The following ZNF385D variants were observed in gnomAD, a reference collection of about 807,000 sequenced individuals.
ZNF385D encodes the protein zinc finger protein 385D.
Under a neutral mutation model 35.8 loss-of-function variants are expected in ZNF385D, and 15 were observed. The observed-to-expected ratio is 0.42, with a 90% CI of 0.28 to 0.64. ZNF385D has a LOEUF of 0.64. Among genes scored for constraint, ZNF385D ranks in the 30% least tolerant of loss-of-function variants. The pLI is 0.23. For synonymous variants in ZNF385D, 212 were observed against 186.8 expected (o/e 1.13, Z -1.10); for missense variants, 474 against 494.6 (o/e 0.96, Z 0.39).
At chr3:21,923,646 T>C (rs920305692) in intron 3 of ZNF385D, among the ~76,000 whole-genome samples, 1 of 152,216 alleles carries the variant, frequency 6.6e-6, no homozygotes, top group Non-Finnish European at 1.5e-5. Context: ...AAATATGTGA[T>C]ACATACACAA....
Position 21,415,703 on chromosome 3 carries a change from T to C in ZNF385D, c.*5511A>G, listed in dbSNP as rs543651820. The C allele has an allele frequency of 1.3e-5, 2 of 152,254 alleles. No homozygotes were observed. Among genetic ancestry groups the C allele is most frequent in the East Asian group, 1.9e-4 (1 of 5,178 alleles). The allele number at this position is 152,254 out of a possible 1,614,324, so 9.4% of individuals were successfully genotyped here. A position where few individuals can be genotyped will look rare whatever the true frequency, so the allele number is the denominator to read the frequency against. The stretch of plus-strand genomic sequence containing the variant: ...TCATTTTAGCCCTAATCTTTAAAAA[T>C]TGCCTTTAGAGATGACCTGCCAGTC... On this transcript the variant is annotated 3_prime_UTR_variant, in exon 8 of 8. Coordinates refer to ENST00000281523, the MANE Select transcript of ZNF385D (RefSeq NM_024697.3).
In ZNF385D at chr3:21,694,042, C is replaced by CTTTTTTTTTTTTTTTTTTTTTTTT. The variant is rs35586361; in HGVS notation, c.23-29015_23-29014insAAAAAAAAAAAAAAAAAAAAAAAA. Among the ~76,000 whole-genome samples, 41 of 22,162 alleles carry CTTTTTTTTTTTTTTTTTTTTTTTT rather than the reference C, an allele frequency of 1.9e-3. 13 individuals carry two copies. The highest frequency in any genetic ancestry group is 2.7e-3 in the Non-Finnish European group (32 of 11,796). The allele number at this position is 22,162 out of a possible 152,430, so 14.5% of individuals were successfully genotyped here. ...TACAGGCGCGTGCCACTACGCCTGGCTTTTTTTTTTTTTTTTTTTGAGACA... is the reference window on the plus strand; with the variant it reads ...TACAGGCGCGTGCCACTACGCCTGGCTTTTTTTTTTTTTTTTTTTTTTTTTTTTTTTTTTTTTTTTTTTGAGACA... On this transcript the variant is annotated intron_variant, in intron 1 of 7. Transcript: ENST00000281523.
chr3:22,352,431 G>A (rs1178660110), intron 2 of ZNF385D, among the ~76,000 whole-genome samples: 2 of 152,172 alleles, frequency 1.3e-5, no homozygotes, highest in South Asian at 2.1e-4. Context: ...ATGACACGGT[G>A]TGACTGAGGT....
chr3:22,096,318 A>G (rs572633122), intron 3 of ZNF385D, among the ~76,000 whole-genome samples: 6 of 140,142 alleles, frequency 4.3e-5, no homozygotes, highest in Non-Finnish European at 9.5e-5. Flanking sequence ...TGAATCTAAA[A>G]GTTGAAACTA....
chr3:22,208,585 A>T (rs1050018117), intron 2 of ZNF385D, among the ~76,000 whole-genome samples: 1 of 151,802 alleles, frequency 6.6e-6, no homozygotes, highest in Non-Finnish European at 1.5e-5. Context: ...TGTAACAAAA[A>T]GGATAAATGC....
At chr3:22,364,214 A>G (rs1696547425) in intron 2 of ZNF385D, among the ~76,000 whole-genome samples, 1 of 152,118 alleles carries the variant, frequency 6.6e-6, no homozygotes, top group Admixed American at 6.6e-5. Context: ...GAGTTTTGGG[A>G]TATGACATCA....
At chr3:21,778,005 C>T (rs2071354663) in intron 3 of ZNF385D, among the ~76,000 whole-genome samples, 1 of 151,834 alleles carries the variant, frequency 6.6e-6, no homozygotes, top group Non-Finnish European at 1.5e-5. Context: ...AGTGTGTCTC[C>T]AGTAATAGAC....
intron 1 of ZNF385D, among the ~76,000 whole-genome samples, chr3:21,735,311 C>T (rs2069194259): frequency 1.3e-5 from 2 of 152,134 alleles, no homozygotes; most frequent in Non-Finnish European, 2.9e-5. Context: ...TCCCTTATAT[C>T]CCTAGGAGAA....
At chr3:22,255,549 A>G (rs1700272900) in intron 2 of ZNF385D, among the ~76,000 whole-genome samples, 1 of 151,854 alleles carries the variant, frequency 6.6e-6, no homozygotes, top group South Asian at 2.1e-4. Context: ...GTTTTATCAA[A>G]GACTTGTAAA....
intron 3 of ZNF385D, among the ~76,000 whole-genome samples, chr3:21,548,466 T>C (rs2062456500): frequency 6.6e-6 from 1 of 152,252 alleles, no homozygotes; most frequent in Non-Finnish European, 1.5e-5. Flanking sequence ...GCTTCACTAC[T>C]GCATTTTATC....
intron 3 of ZNF385D, among the ~76,000 whole-genome samples, chr3:21,933,247 C>G (rs1386176163): frequency 1.3e-5 from 2 of 152,158 alleles, no homozygotes; most frequent in African/African-American, 4.8e-5. Flanking sequence ...ACACCTGAAT[C>G]TTCTCTAGAT....
At chr3:21,651,235 C>T in intron 2 of ZNF385D, among the ~76,000 whole-genome samples, 1 of 129,988 alleles carries the variant, frequency 7.7e-6, no homozygotes, top group African/African-American at 2.9e-5. Flanking sequence ...TTGCAGTGAG[C>T]CAAGATCGTG....
chr3:21,576,036 T>C (rs2063487504), intron 2 of ZNF385D, among the ~76,000 whole-genome samples: 2 of 152,224 alleles, frequency 1.3e-5, no homozygotes, highest in African/African-American at 4.8e-5. Context: ...TGACACAATA[T>C]GGAATACAGA....
chr3:22,353,402 A>G (rs1341864415), intron 2 of ZNF385D, among the ~76,000 whole-genome samples: 1 of 152,208 alleles, frequency 6.6e-6, no homozygotes, highest in Non-Finnish European at 1.5e-5. Context: ...CATGCAAAAT[A>G]CAATCACTTC....
chr3:21,505,529 A>G (rs1706709336), intron 4 of ZNF385D, among the ~76,000 whole-genome samples: 5 of 152,202 alleles, frequency 3.3e-5, no homozygotes, highest in Admixed American at 3.3e-4. Context: ...GCAGCTAAAC[A>G]AGCACTGGAC....
chr3:22,178,597 T>G (rs1469644762), intron 2 of ZNF385D, among the ~76,000 whole-genome samples: 1 of 152,180 alleles, frequency 6.6e-6, no homozygotes, highest in Non-Finnish European at 1.5e-5. Flanking sequence ...TTAGATCCCA[T>G]TTGTCAGTTT....
At chr3:22,241,927 T>G (rs1844911) in intron 2 of ZNF385D, among the ~76,000 whole-genome samples, 51,778 of 150,250 alleles carry the variant, frequency 0.34, 9,906 homozygotes, top group Non-Finnish European at 0.35. Context: ...AGGAGCTTCT[T>G]TAAACAGAAG....
chr3:22,167,871 C>T (rs1706437911), intron 3 of ZNF385D, among the ~76,000 whole-genome samples: 1 of 152,010 alleles, frequency 6.6e-6, no homozygotes, highest in Admixed American at 6.6e-5. Context: ...AAATCCTTTC[C>T]AATAGAATAC....
Position 21,421,335 on chromosome 3 carries a change from C to T in ZNF385D, c.1067G>A (p.Ser356Asn), listed in dbSNP as rs1700727453. The T allele has an allele frequency of 1.2e-6, 2 of 1,613,902 alleles. No individual in the cohort carries two copies. The highest frequency in any genetic ancestry group is 4.5e-5 in the East Asian group (2 of 44,864). Residue 356 changes from serine to asparagine, a missense_variant, in exon 8 of 8, where the codon AGT becomes AAT. Ser to Asn is a conservative substitution (Grantham distance 46). Transcript: ENST00000281523. Reference protein sequence around the residue: ...AAAVAVSSPFSLRTAPAATLF... With the variant: ...AAAVAVSSPFNLRTAPAATLF... ...TGTTGCTGCTGGAGCAGTTCGAAGA[C>T]TGAAGGGGGAACTCACTGCCACTGC...
Sources: gnomAD v4.1 joint callset for allele counts (sites outside exome capture counted in the v4.1 genomes callset) on GRCh38, gnomAD v4.1.1 for gene constraint, MANE v1.5 for transcripts, NCBI Gene and HGNC (gene_info 2026-07-23, HGNC 2026-07-21) for gene names.